The following ADAM12 variants were observed in gnomAD, a reference collection of about 807,000 sequenced individuals.
ADAM12 encodes the protein ADAM metallopeptidase domain 12.
A neutral mutation model predicts 106.4 loss-of-function variants in ADAM12; 70 were observed. That is an observed-to-expected ratio of 0.66 (90% CI 0.54 to 0.80). The LOEUF is 0.80. Among genes scored for constraint, ADAM12 ranks in the 30% least tolerant of loss-of-function variants. The pLI is 0.00. For synonymous variants in ADAM12, 420 were observed against 433.5 expected (o/e 0.97, Z 0.39); for missense variants, 1,010 against 1,171.9 (o/e 0.86, Z 2.02).
At chr10:126,190,990 C>CTTTTTT (rs10669948) in intron 3 of ADAM12, among the ~76,000 whole-genome samples, 2 of 67,944 alleles carry the variant, frequency 2.9e-5, no homozygotes, top group African/African-American at 1.8e-4. Context: ...GAGTTTTGTC[C>CTTTTTT]TTTTTTTTTT....
chr10:126,131,444 C>T (rs1181181412), intron 5 of ADAM12, among the ~76,000 whole-genome samples: 1 of 152,132 alleles, frequency 6.6e-6, no homozygotes, highest in Non-Finnish European at 1.5e-5. Flanking sequence ...CTATTATGGA[C>T]TGAGTGTTTA....
intron 3 of ADAM12, among the ~76,000 whole-genome samples, chr10:126,193,264 CAAAAAAAAAAA>C (rs757716875): frequency 0.013 from 336 of 26,630 alleles, 2 homozygotes; most frequent in Non-Finnish European, 0.027. Context: ...GACTCCATCT[CAAAAAAAAAAA>C]AAAAAAAAAA....
Position 126,388,336 on chromosome 10 carries a change from C to A in ADAM12, c.-191G>T. The A allele has an allele frequency of 1.1e-6, 1 of 928,510 alleles. No homozygotes were observed. Among genetic ancestry groups the A allele is most frequent in the Non-Finnish European group, 1.4e-6 (1 of 728,242 alleles). The allele number at this position is 928,510 out of a possible 1,614,324, so 57.5% of individuals were successfully genotyped here. On this transcript the variant is annotated 5_prime_UTR_variant, in exon 1 of 23. Coordinates refer to ENST00000448723, the MANE Select transcript of ADAM12 (RefSeq NM_001288973.2). The surrounding 1 kb of genome is among the most constrained non-coding windows in gnomAD (Gnocchi z 4.4). ...TAGCCTTTCATTTTTAAAAAAGTTT[C>A]CCCCCGTGTGTGTGCGTGCGTGCGC... is the stretch of plus-strand genomic sequence containing the variant.
chr10:126,379,623 C>T (rs915147127), intron 1 of ADAM12, among the ~76,000 whole-genome samples: 2 of 152,064 alleles, frequency 1.3e-5, no homozygotes, highest in Admixed American at 1.3e-4. Flanking sequence ...CAGCAAACCA[C>T]CATGGCACCT....
intron 14 of ADAM12, among the ~76,000 whole-genome samples, chr10:126,058,717 G>C (rs1341930610): frequency 6.6e-6 from 1 of 152,220 alleles, no homozygotes; most frequent in Non-Finnish European, 1.5e-5. Flanking sequence ...GGATAGCGGA[G>C]GAGGGGCCAA....
At chr10:126,150,630 T>C (rs951646122) in intron 4 of ADAM12, among the ~76,000 whole-genome samples, 1 of 152,182 alleles carries the variant, frequency 6.6e-6, no homozygotes, top group Non-Finnish European at 1.5e-5. Context: ...CTCTGGCCAA[T>C]TGCTGACCAT....
intron 21 of ADAM12, among the ~76,000 whole-genome samples, chr10:126,033,863 C>T (rs1450516756): frequency 6.6e-6 from 1 of 152,134 alleles, no homozygotes. Flanking sequence ...AATTCTATAT[C>T]CAGCAAAACT....
intron 3 of ADAM12, among the ~76,000 whole-genome samples, chr10:126,270,466 G>C (rs1041438529): frequency 6.6e-6 from 1 of 152,174 alleles, no homozygotes; most frequent in Non-Finnish European, 1.5e-5. Flanking sequence ...GCCACACGTG[G>C]CTATTGAATA....
chr10:126,071,534 C>G lies in ADAM12; in HGVS notation c.1266G>C (p.Gln422His). 1 of 1,614,224 alleles carries G rather than the reference C, an allele frequency of 6.2e-7. No homozygotes were observed. The highest frequency in any genetic ancestry group is 8.5e-7 in the Non-Finnish European group (1 of 1,180,044). The change falls in exon 12 of 23, where the codon CAG (glutamine) becomes CAC (histidine). Residue 422 changes from glutamine to histidine, a missense_variant. Physicochemically the swap from Gln to His is conservative, Grantham distance 24. Transcript: ENST00000448723. ...CTTCCACAAATCTGTTCCCACACTT[C>G]TGGCCCCCGAAAGACTCCCTGACTT... ...LPEVRESFGG[Q>H]KCGNRFVEEG...
At chr10:126,153,152 A>G (rs1956758468) in intron 4 of ADAM12, among the ~76,000 whole-genome samples, 2 of 152,220 alleles carry the variant, frequency 1.3e-5, no homozygotes, top group South Asian at 4.1e-4. Flanking sequence ...TCTTTGTATG[A>G]AAATGTCTAT....
At chr10:126,368,447 A>G (rs1855993233) in intron 1 of ADAM12, among the ~76,000 whole-genome samples, 1 of 151,546 alleles carries the variant, frequency 6.6e-6, no homozygotes, top group Admixed American at 6.6e-5. Flanking sequence ...ACTTTAAGGA[A>G]TGTACTTTTA....
chr10:126,277,720 C>CTTTT, intron 3 of ADAM12, among the ~76,000 whole-genome samples: 1 of 152,120 alleles, frequency 6.6e-6, no homozygotes, highest in Non-Finnish European at 1.5e-5. Flanking sequence ...ACAAGAAAAG[C>CTTTT]TAAAAACACC....
At chr10:126,306,258 T>C (rs1028133630) in intron 2 of ADAM12, among the ~76,000 whole-genome samples, 1 of 152,058 alleles carries the variant, frequency 6.6e-6, no homozygotes, top group Non-Finnish European at 1.5e-5. Context: ...AGTGCCTACT[T>C]TGGAGATAAA....
intron 6 of ADAM12, 93 bp from the exon 7 acceptor site, chr10:126,109,933 A>C (rs748104710): frequency 8.6e-5 from 108 of 1,251,706 alleles, no homozygotes; most frequent in Non-Finnish European, 1.2e-4. Flanking sequence ...TAGGTTGAGA[A>C]TGTATATCCC....
chr10:126,275,387 A>G (rs760351155), intron 3 of ADAM12, among the ~76,000 whole-genome samples: 5 of 152,232 alleles, frequency 3.3e-5, no homozygotes, highest in Non-Finnish European at 7.3e-5. Flanking sequence ...ATACAAATAC[A>G]GATTTTAAGT....
At chr10:126,173,441 C>G (rs1957156029) in intron 3 of ADAM12, among the ~76,000 whole-genome samples, 1 of 152,018 alleles carries the variant, frequency 6.6e-6, no homozygotes, top group Non-Finnish European at 1.5e-5. Context: ...GGGGGGCTGT[C>G]CTGTGTAATG....
chr10:126,388,008 C>A lies in ADAM12; in HGVS notation c.88+50G>T. 2 of 1,192,696 alleles carry A rather than the reference C, an allele frequency of 1.7e-6. No individual in the cohort carries two copies. Among genetic ancestry groups the A allele is most frequent in the African/African-American group, 1.6e-5 (1 of 62,876 alleles). The allele number at this position is 1,192,696 out of a possible 1,614,324, so 73.9% of individuals were successfully genotyped here. ...CCTCGGCGCGCCCAGGCGCAGCGTG[C>A]GGTGCCCTCGGCGGGGCGGGCAGCG... On this transcript the variant is annotated intron_variant, in intron 1 of 22. Transcript: ENST00000448723. This position sits in a 1 kb window ranked among gnomAD's most constrained non-coding sequence, Gnocchi z 4.4.
At chr10:126,312,499 T>C (rs1023102189) in intron 2 of ADAM12, among the ~76,000 whole-genome samples, 3 of 152,074 alleles carry the variant, frequency 2.0e-5, no homozygotes, top group African/African-American at 7.2e-5. Flanking sequence ...TGGATGGTCC[T>C]GACTATGTGG....
At chr10:126,123,073 G>C (rs532083244) in intron 5 of ADAM12, among the ~76,000 whole-genome samples, 1 of 152,154 alleles carries the variant, frequency 6.6e-6, no homozygotes, top group Non-Finnish European at 1.5e-5. Context: ...CAGGATGAAG[G>C]CCTTCCCTTT....
Sources: gnomAD v4.1 joint callset for allele counts (sites outside exome capture counted in the v4.1 genomes callset) on GRCh38, gnomAD v4.1.1 for gene constraint, Gnocchi (gnomAD v3.1) non-coding constraint, MANE v1.5 for transcripts, NCBI Gene and HGNC (gene_info 2026-07-23, HGNC 2026-07-21) for gene names.